Variants in CHCHD3 observed in about 807,000 individuals in gnomAD.
CHCHD3 encodes the protein coiled-coil-helix-coiled-coil-helix domain containing 3.
Under a neutral mutation model 38.2 loss-of-function variants are expected in CHCHD3, and 20 were observed. That is an observed-to-expected ratio of 0.52 (90% CI 0.37 to 0.76). The LOEUF is 0.76. CHCHD3 is among the 30% of genes least tolerant of loss of function. CHCHD3 has a pLI of 0.00. For missense variants in CHCHD3, 245 were observed against 279.2 expected (o/e 0.88, Z 0.87); for synonymous variants, 82 against 100.0 (o/e 0.82, Z 1.07).
chr7:132,917,034 A>C (rs1398956932), intron 4 of CHCHD3, among the ~76,000 whole-genome samples: 1 of 152,236 alleles, frequency 6.6e-6, no homozygotes, highest in Non-Finnish European at 1.5e-5. Flanking sequence ...TACTGCATTT[A>C]TAATAAAGTC....
At chr7:132,886,147 T>C (rs1809203046) in intron 4 of CHCHD3, among the ~76,000 whole-genome samples, 1 of 152,146 alleles carries the variant, frequency 6.6e-6, no homozygotes, top group African/African-American at 2.4e-5. Context: ...TAACATTTTG[T>C]ACATAAATCT....
At chr7:132,802,788 A>G (rs17166762) in intron 6 of CHCHD3, among the ~76,000 whole-genome samples, 18,126 of 152,178 alleles carry the variant, frequency 0.12, 1,368 homozygotes, top group African/African-American at 0.21. Context: ...TCAATCTGGA[A>G]GGACCCCAAA....
intron 6 of CHCHD3, among the ~76,000 whole-genome samples, chr7:132,838,079 T>C (rs898252464): frequency 6.6e-6 from 1 of 152,220 alleles, no homozygotes; most frequent in African/African-American, 2.4e-5. Context: ...CTTAATACAG[T>C]AGCAATTTAA....
chr7:132,845,810 C>G (rs886297720), intron 5 of CHCHD3, among the ~76,000 whole-genome samples: 5 of 152,134 alleles, frequency 3.3e-5, no homozygotes, highest in African/African-American at 1.2e-4. Flanking sequence ...CCTGTACTTT[C>G]CGGCATGCAA....
chr7:132,807,434 C>A (rs773049561), intron 6 of CHCHD3, among the ~76,000 whole-genome samples: 4 of 151,914 alleles, frequency 2.6e-5, no homozygotes, highest in Non-Finnish European at 5.9e-5. Context: ...AGCCCAAGTC[C>A]TTTCTTGCTC....
intron 3 of CHCHD3, among the ~76,000 whole-genome samples, chr7:132,980,972 C>T (rs1811902723): frequency 2.0e-5 from 3 of 152,184 alleles, no homozygotes; most frequent in South Asian, 2.1e-4. Flanking sequence ...GGAGGCATTA[C>T]TAGCTCTAGT....
At chr7:132,951,345 A>C (rs1811032302) in intron 4 of CHCHD3, among the ~76,000 whole-genome samples, 1 of 152,206 alleles carries the variant, frequency 6.6e-6, no homozygotes, top group African/African-American at 2.4e-5. Context: ...TGCAAGGAGA[A>C]GGGAAGTATT....
intron 6 of CHCHD3, among the ~76,000 whole-genome samples, chr7:132,796,899 C>T (rs1806632299): frequency 6.6e-6 from 1 of 152,092 alleles, no homozygotes; most frequent in Non-Finnish European, 1.5e-5. Flanking sequence ...TCTTCCATTC[C>T]CATATCCACT....
chr7:133,067,413 A>G (rs1309102896), intron 2 of CHCHD3, among the ~76,000 whole-genome samples: 1 of 152,250 alleles, frequency 6.6e-6, no homozygotes, highest in African/African-American at 2.4e-5. Flanking sequence ...CAGAATATTC[A>G]TAAGCAAAAA....
At chr7:132,955,294 C>T (rs1811136092) in intron 4 of CHCHD3, among the ~76,000 whole-genome samples, 1 of 151,586 alleles carries the variant, frequency 6.6e-6, no homozygotes, top group East Asian at 2.0e-4. Flanking sequence ...CAACCATGGT[C>T]GTGAACAAAG....
At chr7:132,949,023 A>C (rs775463214) in intron 4 of CHCHD3, among the ~76,000 whole-genome samples, 1 of 152,164 alleles carries the variant, frequency 6.6e-6, no homozygotes, top group Admixed American at 6.6e-5. Context: ...CAAAACGTCA[A>C]TGTGATTTAC....
intron 2 of CHCHD3, among the ~76,000 whole-genome samples, chr7:133,047,061 T>A (rs193177028): frequency 7.9e-5 from 12 of 152,278 alleles, no homozygotes; most frequent in African/African-American, 1.2e-4. Context: ...GTTTCTTCGT[T>A]CACAAATGCT....
chr7:133,058,715 A>T (rs1814412645), intron 2 of CHCHD3, among the ~76,000 whole-genome samples: 2 of 152,228 alleles, frequency 1.3e-5, no homozygotes, highest in South Asian at 4.1e-4. Context: ...TCAACAAAAA[A>T]ACAAATTGCA....
At chr7:133,034,225 T>C (rs936227802) in intron 2 of CHCHD3, among the ~76,000 whole-genome samples, 16 of 152,152 alleles carry the variant, frequency 1.1e-4, no homozygotes, top group African/African-American at 3.6e-4. Context: ...ATCATGTTTA[T>C]AATGAAGGAA....
intron 3 of CHCHD3, among the ~76,000 whole-genome samples, chr7:133,020,870 G>A (rs145254431): frequency 1.3e-5 from 2 of 151,894 alleles, no homozygotes; most frequent in African/African-American, 4.8e-5. Context: ...GGGCTGGTTT[G>A]AAGAATACCT....
chr7:132,939,405 T>C (rs1311373426), intron 4 of CHCHD3, among the ~76,000 whole-genome samples: 1 of 152,176 alleles, frequency 6.6e-6, no homozygotes, highest in Non-Finnish European at 1.5e-5. Context: ...ATTTTTACTG[T>C]ACCTTTATAA....
intron 6 of CHCHD3, among the ~76,000 whole-genome samples, chr7:132,814,185 G>T (rs1416963064): frequency 6.6e-6 from 1 of 152,206 alleles, no homozygotes; most frequent in African/African-American, 2.4e-5. Context: ...AAACAGGCCA[G>T]AAACTGGTTT....
intron 1 of CHCHD3, among the ~76,000 whole-genome samples, chr7:133,073,415 C>T (rs1029299995): frequency 1.3e-5 from 2 of 152,184 alleles, no homozygotes; most frequent in African/African-American, 4.8e-5. Flanking sequence ...AGACCTATCT[C>T]TCAGAAGCCC....
At chr7:132,920,592 TGTC>T (rs1179705803) in intron 4 of CHCHD3, among the ~76,000 whole-genome samples, 2 of 152,234 alleles carry the variant, frequency 1.3e-5, no homozygotes, top group African/African-American at 4.8e-5. Flanking sequence ...TTGTTTACTC[TGTC>T]GTCATGAAAA....
Sources: allele counts gnomAD v4.1 joint callset (sites outside exome capture counted in the v4.1 genomes callset), GRCh38; gene constraint gnomAD v4.1.1; transcripts MANE v1.5; gene names NCBI Gene and HGNC (gene_info 2026-07-23, HGNC 2026-07-21).